Variants in FICD observed in about 807,000 individuals in gnomAD.
FICD encodes protein adenylyltransferase FICD.
A neutral mutation model predicts 28.0 loss-of-function variants in FICD; 13 were observed. That is an observed-to-expected ratio of 0.46 (90% CI 0.30 to 0.74). FICD has a LOEUF of 0.74. Ranked by LOEUF, FICD falls within the 30% of genes least tolerant of loss-of-function variation. The pLI, the probability that FICD is intolerant of heterozygous loss-of-function variation, is 0.07. For missense variants in FICD, 576 were observed against 624.5 expected (o/e 0.92, Z 0.83); for synonymous variants, 268 against 266.4 (o/e 1.01, Z -0.06).
At chr12:108,516,792 T>C (rs1355430859) in intron 1 of FICD, 123 bp from the exon 2 acceptor site, 2 of 456,958 alleles carry the variant, frequency 4.4e-6, no homozygotes, top group Non-Finnish European at 7.5e-6. Flanking sequence ...AGTCCTTGAC[T>C]TGCCCCCACC....
rs1872103246 is a variant in FICD, at chr12:108,521,124, G to C, written c.*1649G>C. 6.6e-6 allele frequency: 1 copy of C among 152,206 alleles called. No individual in the cohort carries two copies. Among genetic ancestry groups the C allele is most frequent in the Admixed American group, 6.5e-5 (1 of 15,280 alleles). The allele number at this position is 152,206 out of a possible 1,614,324, so 9.4% of individuals were successfully genotyped here. On this transcript the variant is annotated 3_prime_UTR_variant, in exon 3 of 3. Coordinates refer to ENST00000552695, the MANE Select transcript of FICD (RefSeq NM_007076.3). The stretch of plus-strand genomic sequence containing the variant: ...GACAGATGTGCTTGCTTCTACTACA[G>C]AGCAAGAGAATTTGCACTTTAGCTA...
Position 108,518,133 on chromosome 12 carries a change from A to T in FICD, c.302-267A>T, listed in dbSNP as rs1416803448. 3 of 702,206 alleles carry T rather than the reference A, an allele frequency of 4.3e-6. No homozygotes were observed. Among genetic ancestry groups the T allele is most frequent in the Non-Finnish European group, 7.8e-6 (3 of 384,802 alleles). 43.5% of individuals were successfully genotyped at this position (702,206 alleles called of 1,614,324 possible). A position where few individuals can be genotyped will look rare whatever the true frequency, so the allele number is the denominator to read the frequency against. On this transcript the variant is annotated intron_variant, in intron 2 of 2. Transcript: ENST00000552695. The surrounding 1 kb of genome is among the most constrained non-coding windows in gnomAD (Gnocchi z 4.4). The stretch of plus-strand genomic sequence containing the variant: ...TTCTATGTCCAGAAAGCAGGAGGCT[A>T]GGAAGCCAAGGAGGTGCCTCCCAGA...
At position 108,518,162 on chromosome 12, in the gene FICD, C is replaced by G. The variant is rs1203770181; in HGVS notation, c.302-238C>G. ...AGCCAAGGAGGTGCCTCCCAGAATA[C>G]AAGAGAGTGGCTCTGGGGACACACG... On this transcript the variant is annotated intron_variant, in intron 2 of 2. Coordinates refer to ENST00000552695, the MANE Select transcript of FICD (RefSeq NM_007076.3). This position sits in a 1 kb window ranked among gnomAD's most constrained non-coding sequence, Gnocchi z 4.4. 3 of 702,500 alleles carry G rather than the reference C, an allele frequency of 4.3e-6. No individual in the cohort carries two copies. In the South Asian group the frequency reaches 4.4e-5, roughly 10 times the overall value. The allele number at this position is 702,500 out of a possible 1,614,324, so 43.5% of individuals were successfully genotyped here.
Position 108,520,806 on chromosome 12 carries a change from T to C in FICD, c.*1331T>C, listed in dbSNP as rs189848553. ...CTAACACTACTGCACTTTGTCAGTG[T>C]GTGAGTGATGGCGAATACGCAGTGT... On this transcript the variant is annotated 3_prime_UTR_variant, in exon 3 of 3. Coordinates refer to ENST00000552695, the MANE Select transcript of FICD (RefSeq NM_007076.3). 6.6e-6 allele frequency: 1 copy of C among 152,302 alleles called. No individual in the cohort carries two copies. The highest frequency in any genetic ancestry group is 2.4e-5 in the African/African-American group (1 of 41,564). The allele number at this position is 152,302 out of a possible 1,614,324, so 9.4% of individuals were successfully genotyped here.
chr12:108,519,584 A>C lies in FICD; in HGVS notation c.*109A>C. 4 of 593,480 alleles carry C rather than the reference A, an allele frequency of 6.7e-6. No individual in the cohort carries two copies. Among genetic ancestry groups the C allele is most frequent in the South Asian group, 2.7e-5 (1 of 36,436 alleles). 36.8% of individuals were successfully genotyped at this position (593,480 alleles called of 1,614,324 possible). ...TAAAGCAAAAGGAGAAACATTCTTT[A>C]CCTCCAAATGTTTTAGTTTTAAAAA... is the stretch of plus-strand genomic sequence containing the variant. On this transcript the variant is annotated 3_prime_UTR_variant, in exon 3 of 3. Transcript: ENST00000552695. This position sits in a 1 kb window ranked among gnomAD's most constrained non-coding sequence, Gnocchi z 4.5.
chr12:108,516,986 C>T lies in FICD; in HGVS notation c.14C>T (p.Pro5Leu), dbSNP rs770452327. 5 of 1,515,606 alleles carry T rather than the reference C, an allele frequency of 3.3e-6. No individual in the cohort carries two copies. In the Admixed American group the frequency reaches 6.2e-5, roughly 19 times the overall value. The allele number at this position is 1,515,606 out of a possible 1,614,324, so 93.9% of individuals were successfully genotyped here. A position where few individuals can be genotyped will look rare whatever the true frequency, so the allele number is the denominator to read the frequency against. Residue 5 changes from proline to leucine, a missense_variant, in exon 2 of 3, where the codon CCA becomes CTA. Pro to Leu is a moderately conservative substitution (Grantham distance 98). Coordinates refer to ENST00000552695, the MANE Select transcript of FICD (RefSeq NM_007076.3). ...TCCTGAGTCCAGATGATGCTCATACCAATGGCTTCAGTGATGGCGGTGACT... is the reference window on the plus strand; with the variant it reads ...TCCTGAGTCCAGATGATGCTCATACTAATGGCTTCAGTGATGGCGGTGACT... MMLI[P>L]MASVMAVTEP...
At chr12:108,515,751 ACT>A (rs1207522173) in intron 1 of FICD, among the ~76,000 whole-genome samples, 1 of 151,966 alleles carries the variant, frequency 6.6e-6, no homozygotes, top group Non-Finnish European at 1.5e-5. Flanking sequence ...TCCCCATGAG[ACT>A]CAGAACCCCG....
Position 108,519,272 on chromosome 12 carries a change from C to A in FICD, c.1174C>A (p.Arg392Ser). 1 of 1,614,262 alleles carries A rather than the reference C, an allele frequency of 6.2e-7. No homozygotes were observed. The highest frequency in any genetic ancestry group is 8.5e-7 in the Non-Finnish European group (1 of 1,180,050). Residue 392 changes from arginine to serine, a missense_variant, in exon 3 of 3, where the codon CGC becomes AGC. By Grantham distance (110) the Arg-to-Ser change is moderately radical (BLOSUM62 -1). Coordinates refer to ENST00000552695, the MANE Select transcript of FICD (RefSeq NM_007076.3). The surrounding 1 kb of genome is among the most constrained non-coding windows in gnomAD (Gnocchi z 4.5). ...GGCGGGCTACCCGCCCATCACCATC[C>A]GCAAGGAGCAGCGGTCCGACTACTA... The part of the protein sequence containing the change: ...MQAGYPPITI[R>S]KEQRSDYYHV...
Position 108,517,052 on chromosome 12 carries a change from T to C in FICD, c.80T>C (p.Val27Ala). ...WVSVWSRFLW[V>A]TLLSMVLGSL... ...TCGGTCTGGAGCCGCTTCCTCTGGGTGACGCTGCTGAGCATGGTGCTGGGG... is the reference window on the plus strand; with the variant it reads ...TCGGTCTGGAGCCGCTTCCTCTGGGCGACGCTGCTGAGCATGGTGCTGGGG... Residue 27 changes from valine to alanine, a missense_variant, in exon 2 of 3, where the codon GTG becomes GCG. Val to Ala is a moderately conservative substitution (Grantham distance 64, BLOSUM62 0). Coordinates refer to ENST00000552695, the MANE Select transcript of FICD (RefSeq NM_007076.3). 6.3e-7 allele frequency: 1 copy of C among 1,593,242 alleles called. No individual in the cohort carries two copies. Among genetic ancestry groups the C allele is most frequent in the Non-Finnish European group, 8.6e-7 (1 of 1,167,782 alleles).
intron 2 of FICD, among the ~76,000 whole-genome samples, chr12:108,517,697 G>A (rs1295630593): frequency 6.6e-6 from 1 of 152,150 alleles, no homozygotes; most frequent in African/African-American, 2.4e-5. Flanking sequence ...GGACAGGAGG[G>A]CTAGGGCTAG....
rs1872089242 is a variant in FICD at position 108,520,802 on chromosome 12, AGT to A, written c.*1333_*1334del. The A allele has an allele frequency of 6.6e-6, 1 of 152,212 alleles. No individual in the cohort carries two copies. The highest frequency in any genetic ancestry group is 6.5e-5 in the Admixed American group (1 of 15,282). 9.4% of individuals were successfully genotyped at this position (152,212 alleles called of 1,614,324 possible). A position where few individuals can be genotyped will look rare whatever the true frequency, so the allele number is the denominator to read the frequency against. Reference sequence around the variant, plus strand: ...ATGTCTAACACTACTGCACTTTGTCAGTGTGTGAGTGATGGCGAATACGCAGT... The same window carrying A: ...ATGTCTAACACTACTGCACTTTGTCAGTGTGAGTGATGGCGAATACGCAGT... On this transcript the variant is annotated 3_prime_UTR_variant, in exon 3 of 3. Transcript: ENST00000552695.
At position 108,518,383 on chromosome 12, in the gene FICD, C is replaced by A; in HGVS notation, c.302-17C>A. 1 of 1,611,722 alleles carries A rather than the reference C, an allele frequency of 6.2e-7. No homozygotes were observed. The highest frequency in any genetic ancestry group is 1.3e-5 in the African/African-American group (1 of 75,004). ...CTAGCCTCCCTCCCTCACAGCGCTT[C>A]TTTGGCTCTCTTCCAGCGGGTAAGT... On this transcript the variant is annotated splice_polypyrimidine_tract_variant and intron_variant, in intron 2 of 2. Transcript: ENST00000552695. This position sits in a 1 kb window ranked among gnomAD's most constrained non-coding sequence, Gnocchi z 4.4.
intron 1 of FICD, 142 bp from the exon 2 acceptor site, chr12:108,516,773 G>C (rs1871920060): frequency 2.3e-6 from 1 of 429,690 alleles, no homozygotes; most frequent in East Asian, 3.5e-5. Flanking sequence ...CCCTCCTCTA[G>C]TGAGATCCAG....
In FICD at chr12:108,517,199, C is replaced by T. The variant is rs753928259; in HGVS notation, c.227C>T (p.Thr76Ile). ...GCGCAGCATGCCGCCACCAAGTGCA[C>T]CAGCCCGTCCACGGAGCTCAGCATC... is the stretch of plus-strand genomic sequence containing the variant. ...DRAQHAATKC[T>I]SPSTELSITS... Residue 76 changes from threonine (T) to isoleucine (I), a missense_variant, in exon 2 of 3, where the codon ACC (threonine) becomes ATC (isoleucine). Transcript: ENST00000552695. 2.5e-6 allele frequency: 4 copies of T among 1,588,172 alleles called. No individual in the cohort carries two copies. The highest frequency in any genetic ancestry group is 3.4e-6 in the Non-Finnish European group (4 of 1,167,006).
intron 1 of FICD, among the ~76,000 whole-genome samples, 179 bp from the exon 2 acceptor site, chr12:108,516,736 A>T (rs1871919425): frequency 6.6e-6 from 1 of 152,192 alleles, no homozygotes; most frequent in African/African-American, 2.4e-5. Flanking sequence ...ACTGCCCAGG[A>T]GGTGGCACCA....
In FICD at chr12:108,517,087, G is replaced by C; in HGVS notation, c.115G>C (p.Ala39Pro). ...LLSMVLGSLL[A>P]LLLPLGAVEE... is the part of the protein sequence containing the mutation. ...GAGCATGGTGCTGGGGTCCCTGCTG[G>C]CCCTGCTGCTGCCGCTGGGGGCTGT... Residue 39 changes from alanine to proline, a missense_variant, in exon 2 of 3, where the codon GCC becomes CCC. Ala to Pro is a conservative substitution (Grantham distance 27, BLOSUM62 -1). Transcript: ENST00000552695. The C allele has an allele frequency of 6.2e-7, 1 of 1,610,522 alleles. No individual in the cohort carries two copies. The highest frequency in any genetic ancestry group is 1.3e-5 in the African/African-American group (1 of 75,028).
Position 108,516,873 on chromosome 12 carries a change from C to T in FICD, c.-58-42C>T. ...TTCCCAGCTGAAGTCACACTATGTCCTGAACGTGTCTGTTTCTCCTGCGAC... is the reference window on the plus strand; with the variant it reads ...TTCCCAGCTGAAGTCACACTATGTCTTGAACGTGTCTGTTTCTCCTGCGAC... On this transcript the variant is annotated intron_variant, in intron 1 of 2. Coordinates refer to ENST00000552695, the MANE Select transcript of FICD (RefSeq NM_007076.3). 2 of 1,020,460 alleles carry T rather than the reference C, an allele frequency of 2.0e-6. 1 individual carries two copies. Among genetic ancestry groups the T allele is most frequent in the South Asian group, 3.8e-5 (2 of 52,106 alleles). 63.2% of individuals were successfully genotyped at this position (1,020,460 alleles called of 1,614,324 possible).
chr12:108,517,139 A>T lies in FICD; in HGVS notation c.167A>T (p.Lys56Ile). The change falls in exon 2 of 3, where the codon AAA becomes ATA. Residue 56 changes from lysine to isoleucine, a missense_variant. Transcript: ENST00000552695. The stretch of plus-strand genomic sequence containing the variant: ...GAGGAGCAGTGCTTGGCTGTGCTCA[A>T]AGGCCTCTACCTGCTCAGGAGCAAA... ...AVEEQCLAVL[K>I]GLYLLRSKPD... 6.2e-7 allele frequency: 1 copy of T among 1,609,234 alleles called. No individual in the cohort carries two copies. The highest frequency in any genetic ancestry group is 1.3e-5 in the African/African-American group (1 of 75,022).
Position 108,519,352 on chromosome 12 carries a change from C to G in FICD, c.1254C>G (p.Ile418Met). 6.2e-7 allele frequency: 1 copy of G among 1,614,156 alleles called. No homozygotes were observed. The highest frequency in any genetic ancestry group is 8.5e-7 in the Non-Finnish European group (1 of 1,180,020). Residue 418 changes from isoleucine (I) to methionine (M), a missense_variant, in exon 3 of 3, where the codon ATC becomes ATG. Ile to Met is a conservative substitution (Grantham distance 10). Transcript: ENST00000552695. The surrounding 1 kb of genome is among the most constrained non-coding windows in gnomAD (Gnocchi z 4.5). ...ACGTGAGGCCTTTCATTCGCTTCAT[C>G]GCCAAGTGTACTGAGACCACCCTGG... ...EGDVRPFIRF[I>M]AKCTETTLDT...
Sources: gnomAD v4.1 joint callset for allele counts (sites outside exome capture counted in the v4.1 genomes callset) on GRCh38, gnomAD v4.1.1 for gene constraint, Gnocchi (gnomAD v3.1) non-coding constraint, MANE v1.5 for transcripts, NCBI Gene and HGNC (gene_info 2026-07-23, HGNC 2026-07-21) for gene names.